The following KHDRBS3 variants were observed in gnomAD, a reference collection of about 807,000 sequenced individuals.
KHDRBS3 encodes the protein KH domain-containing, RNA-binding, signal transduction-associated protein 3.
Under a neutral mutation model 45.6 loss-of-function variants are expected in KHDRBS3, and 23 were observed. The observed-to-expected ratio is 0.50, with a 90% CI of 0.36 to 0.72. The LOEUF (loss-of-function observed/expected upper bound fraction) is 0.72. Among genes scored for constraint, KHDRBS3 ranks in the 30% least tolerant of loss-of-function variants. The pLI is 0.00. For missense variants in KHDRBS3, 352 were observed against 424.8 expected, an observed-to-expected ratio of 0.83 and a Z score of 1.51; for synonymous variants, 162 against 156.5, an observed-to-expected ratio of 1.04 and a Z score of -0.26.
Position 135,647,133 on chromosome 8 carries a change from A to C in KHDRBS3, c.*49A>C. On this transcript the variant is annotated 3_prime_UTR_variant, in exon 9 of 9. Coordinates refer to ENST00000355849, the MANE Select transcript of KHDRBS3 (RefSeq NM_006558.3). ...TAGCCAATCTCCACCAGTCCTGTAT[A>C]CTGTTCAAAGTAATTTTTTTCTATG... 5 of 908,594 alleles carry C rather than the reference A, an allele frequency of 5.5e-6. No homozygotes were observed. Among genetic ancestry groups the C allele is most frequent in the South Asian group, 1.6e-5 (1 of 63,712 alleles). The allele number at this position is 908,594 out of a possible 1,614,324, so 56.3% of individuals were successfully genotyped here.
In KHDRBS3 at chr8:135,647,008, C is replaced by A; in HGVS notation, c.965C>A (p.Thr322Asn). ...TYDSYGQEEW[T>N]NSRHKAPSAR... The stretch of plus-strand genomic sequence containing the variant: ...CTGATTGTAGGGCAAGAAGAGTGGA[C>A]TAACTCAAGACACAAGGCACCTTCA... Residue 322 changes from threonine to asparagine, a missense_variant, in exon 9 of 9, where the codon ACT becomes AAT. Thr to Asn is a moderately conservative substitution (Grantham distance 65, BLOSUM62 0). Transcript: ENST00000355849. The A allele has an allele frequency of 6.3e-7, 1 of 1,596,732 alleles. No homozygotes were observed. Among genetic ancestry groups the A allele is most frequent in the Non-Finnish European group, 8.6e-7 (1 of 1,164,226 alleles).
intron 6 of KHDRBS3, among the ~76,000 whole-genome samples, chr8:135,601,584 A>G (rs558963042): frequency 3.3e-5 from 5 of 152,288 alleles, no homozygotes; most frequent in Non-Finnish European, 7.4e-5. Flanking sequence ...GGCTTGTCAC[A>G]ATGGGGTCCT....
intron 7 of KHDRBS3, 102 bp downstream of exon 7, chr8:135,607,139 G>A: frequency 1.2e-6 from 1 of 813,104 alleles, no homozygotes; most frequent in Non-Finnish European, 1.9e-6. Flanking sequence ...GAGGGTAATT[G>A]GCTTGCCCTG....
chr8:135,528,826 T>C (rs577538341), intron 2 of KHDRBS3, among the ~76,000 whole-genome samples: 1 of 152,310 alleles, frequency 6.6e-6, no homozygotes, highest in East Asian at 1.9e-4. Context: ...ATTAATTACC[T>C]TAGCCCTTTT....
At chr8:135,478,723 A>C (rs1822418997) in intron 1 of KHDRBS3, among the ~76,000 whole-genome samples, 1 of 152,216 alleles carries the variant, frequency 6.6e-6, no homozygotes, top group South Asian at 2.1e-4. Context: ...CTCCAAAATA[A>C]CCAGTGAGCC....
At chr8:135,636,877 A>G (rs1392477798) in intron 7 of KHDRBS3, among the ~76,000 whole-genome samples, 1 of 152,216 alleles carries the variant, frequency 6.6e-6, no homozygotes, top group Non-Finnish European at 1.5e-5. Context: ...GCTAACCGTA[A>G]TGTATTTACT....
intron 1 of KHDRBS3, among the ~76,000 whole-genome samples, chr8:135,513,556 C>G (rs1220433872): frequency 1.3e-5 from 2 of 152,238 alleles, no homozygotes; most frequent in South Asian, 2.1e-4. Flanking sequence ...TTCAAAGACT[C>G]TTACTCTCTG....
rs73713808 is a variant in KHDRBS3 at position 135,643,847 on chromosome 8, G to C, written c.891-1212G>C. Among the ~76,000 whole-genome samples the C allele has an allele frequency of 8.8e-3, 1,340 of 152,278 alleles. 13 individuals are homozygous for C. The highest frequency in any genetic ancestry group is 0.024 in the African/African-American group (992 of 41,552). ...AATGGGTATGGCAGTTTTACTATCC[G>C]AGGCCGGGGGTGATGTGGGATCTCA... On this transcript the variant is annotated intron_variant, in intron 7 of 8. Transcript: ENST00000355849.
chr8:135,627,325 G>A (rs1830416282), intron 7 of KHDRBS3, among the ~76,000 whole-genome samples: 1 of 152,186 alleles, frequency 6.6e-6, no homozygotes, highest in African/African-American at 2.4e-5. Flanking sequence ...GTTCAGGCAG[G>A]AAGAAGGGGG....
intron 1 of KHDRBS3, among the ~76,000 whole-genome samples, chr8:135,509,965 TCCCC>T (rs796226585): frequency 7.1e-6 from 1 of 140,602 alleles, no homozygotes; most frequent in Non-Finnish European, 1.5e-5. Flanking sequence ...AAATTTTCTT[TCCCC>T]CCCCCTTTTT....
intron 1 of KHDRBS3, among the ~76,000 whole-genome samples, chr8:135,480,508 T>C (rs889232308): frequency 2.6e-5 from 4 of 152,158 alleles, no homozygotes; most frequent in African/African-American, 9.7e-5. Context: ...CTTTACTGGA[T>C]TATAAGTTTC....
chr8:135,607,306 G>C (rs915310241), intron 7 of KHDRBS3, among the ~76,000 whole-genome samples: 1 of 152,120 alleles, frequency 6.6e-6, no homozygotes, highest in Non-Finnish European at 1.5e-5. Context: ...TTTTGAGAAG[G>C]AACAATGGCC....
At chr8:135,623,652 T>G (rs970670959) in intron 7 of KHDRBS3, among the ~76,000 whole-genome samples, 1 of 151,636 alleles carries the variant, frequency 6.6e-6, no homozygotes, top group African/African-American at 2.4e-5. Context: ...AAAGACCAGG[T>G]GGAAAATGGG....
chr8:135,633,793 C>G (rs1421407664), intron 7 of KHDRBS3, among the ~76,000 whole-genome samples: 1 of 152,332 alleles, frequency 6.6e-6, no homozygotes, highest in Middle Eastern at 3.4e-3. Flanking sequence ...CACCCTGCCT[C>G]TACACGTGCA....
At chr8:135,649,998 C>T (rs1831395862), downstream of KHDRBS3, among the ~76,000 whole-genome samples, 1 of 152,074 alleles carries the variant, frequency 6.6e-6, no homozygotes. Context: ...ATGGGAAGAC[C>T]CTGCTATAGA....
At chr8:135,600,484 A>G (rs1028238658) in intron 6 of KHDRBS3, among the ~76,000 whole-genome samples, 1 of 152,160 alleles carries the variant, frequency 6.6e-6, no homozygotes, top group Admixed American at 6.5e-5. Flanking sequence ...TTAGATGACA[A>G]TGGGATGGTA....
At chr8:135,509,767 T>G (rs1323838486) in intron 1 of KHDRBS3, among the ~76,000 whole-genome samples, 1 of 152,178 alleles carries the variant, frequency 6.6e-6, no homozygotes, top group East Asian at 1.9e-4. Context: ...GAAATTAATG[T>G]GACAAATGCT....
chr8:135,627,182 C>T (rs1481257752), intron 7 of KHDRBS3, among the ~76,000 whole-genome samples: 1 of 152,192 alleles, frequency 6.6e-6, no homozygotes, highest in Non-Finnish European at 1.5e-5. Flanking sequence ...TCCAAGCTCA[C>T]GTGACAGCTT....
chr8:135,597,523 A>T (rs1382909754), intron 6 of KHDRBS3, among the ~76,000 whole-genome samples: 1 of 151,882 alleles, frequency 6.6e-6, no homozygotes, highest in Non-Finnish European at 1.5e-5. Context: ...GTCTGTAAGG[A>T]TTTCCCTGGC....
Sources: allele counts gnomAD v4.1 joint callset (sites outside exome capture counted in the v4.1 genomes callset), GRCh38; gene constraint gnomAD v4.1.1; transcripts MANE v1.5; gene names NCBI Gene and HGNC (gene_info 2026-07-23, HGNC 2026-07-21).